Variants in CIMAP1C observed in about 807,000 individuals in gnomAD.
CIMAP1C encodes outer dense fiber of sperm tails 3 like 1.
chr15:75,724,983 C>A, the CIMAP1C span: 1 of 639,374 alleles, frequency 1.6e-6, no homozygotes, highest in South Asian at 1.8e-5. Context: ...GGATGCTGGG[C>A]TCGTGGCAGT....
At chr15:75,726,354 G>A in the CIMAP1C span, among the ~76,000 whole-genome samples, 5 of 152,200 alleles carry the variant, frequency 3.3e-5, no homozygotes, top group African/African-American at 4.8e-5. Flanking sequence ...TCAATGTTAT[G>A]ACATGCAGCA....
At chr15:75,726,243 C>A in the CIMAP1C span, 2 of 993,148 alleles carry the variant, frequency 2.0e-6, no homozygotes, top group Non-Finnish European at 3.1e-6. Context: ...AGGACCTGGG[C>A]AGGGGCAAAG....
At chr15:75,725,040 G>C in the CIMAP1C span, 3 of 1,022,882 alleles carry the variant, frequency 2.9e-6, no homozygotes, top group Non-Finnish European at 4.7e-6. Flanking sequence ...ATGGTGCGCT[G>C]TACTGGGGCT....
At chr15:75,726,013 G>A in the CIMAP1C span, 6 of 1,343,754 alleles carry the variant, frequency 4.5e-6, no homozygotes, top group South Asian at 6.1e-5. Context: ...GCTCAGTGGG[G>A]CAGCCTTTGG....
the CIMAP1C span, chr15:75,727,140 C>T: frequency 1.5e-5 from 25 of 1,613,982 alleles, no homozygotes; most frequent in Middle Eastern, 6.6e-4. Flanking sequence ...CCCCAGTACA[C>T]GTTTGGCTAC....
At chr15:75,727,012 T>C in the CIMAP1C span, 2 of 1,578,588 alleles carry the variant, frequency 1.3e-6, no homozygotes, top group Non-Finnish European at 1.7e-6. Context: ...GAGAATGAGG[T>C]CTGTTCCCTG....
At chr15:75,726,114 C>T in the CIMAP1C span, 11 of 1,612,172 alleles carry the variant, frequency 6.8e-6, no homozygotes, top group African/African-American at 4.0e-5. Flanking sequence ...CAAAATAACT[C>T]GGTTTGGAAT....
chr15:75,727,257 G>T, the CIMAP1C span: 1 of 1,614,208 alleles, frequency 6.2e-7, no homozygotes, highest in East Asian at 2.2e-5. Flanking sequence ...CCCTGCTACA[G>T]TCTGGCCTCC....
chr15:75,727,193 C>CAGT, the CIMAP1C span: 2 of 1,614,136 alleles, frequency 1.2e-6, no homozygotes, highest in Non-Finnish European at 1.7e-6. Context: ...GGCTCCCAAC[C>CAGT]AGTACCAGAT....
the CIMAP1C span, chr15:75,725,952 A>G: frequency 3.0e-6 from 2 of 672,996 alleles, no homozygotes; most frequent in South Asian, 3.6e-5. Flanking sequence ...AACACCCAGG[A>G]GCCACAGAAT....
the CIMAP1C span, chr15:75,726,105 A>G: frequency 6.2e-7 from 1 of 1,613,964 alleles, no homozygotes; most frequent in Non-Finnish European, 8.5e-7. Context: ...CTTGGATCCC[A>G]AAATAACTCG....
chr15:75,726,138 C>A, the CIMAP1C span: 216 of 1,613,134 alleles, frequency 1.3e-4, no homozygotes, highest in Non-Finnish European at 1.7e-4. Flanking sequence ...CAGCTGCCCG[C>A]AGGTCCCCAT....
At chr15:75,726,907 T>A in the CIMAP1C span, 3 of 993,268 alleles carry the variant, frequency 3.0e-6, no homozygotes, top group East Asian at 2.4e-5. Context: ...AGCCACCGCG[T>A]CCGGCCTAAG....
chr15:75,726,679 G>T, the CIMAP1C span, among the ~76,000 whole-genome samples: 1 of 151,804 alleles, frequency 6.6e-6, no homozygotes, highest in African/African-American at 2.4e-5. Flanking sequence ...GCAGTGGCGT[G>T]ATCTCGGCTC....
the CIMAP1C span, among the ~76,000 whole-genome samples, chr15:75,726,850 G>A: frequency 6.6e-6 from 1 of 152,138 alleles, no homozygotes; most frequent in African/African-American, 2.4e-5. Flanking sequence ...TCCTGATCTT[G>A]TGATCTGCCT....
At chr15:75,725,970 G>A in the CIMAP1C span, 1 of 766,002 alleles carries the variant, frequency 1.3e-6, no homozygotes, top group Non-Finnish European at 2.2e-6. Context: ...AATCTGAAGT[G>A]GGAGGGAGAT....
the CIMAP1C span, among the ~76,000 whole-genome samples, chr15:75,724,578 T>C: frequency 6.6e-6 from 1 of 152,218 alleles, no homozygotes; most frequent in Non-Finnish European, 1.5e-5. Context: ...CTCACTTCCC[T>C]TCAATTTTAC....
the CIMAP1C span, chr15:75,727,552 G>A: frequency 1.3e-6 from 2 of 1,554,452 alleles, no homozygotes; most frequent in Non-Finnish European, 1.7e-6. Flanking sequence ...GCCCCTCTTG[G>A]GGCACTCACT....
At chr15:75,724,093 CG>C in the CIMAP1C span, 7 of 720,064 alleles carry the variant, frequency 9.7e-6, no homozygotes, top group Non-Finnish European at 1.7e-5. Flanking sequence ...CAGCTTCCTC[CG>C]TGTCTGGGGT....
Sources: gnomAD v4.1 joint callset for allele counts (sites outside exome capture counted in the v4.1 genomes callset) on GRCh38, gnomAD v4.1.1 for gene constraint, MANE v1.5 for transcripts, NCBI Gene and HGNC (gene_info 2026-07-23, HGNC 2026-07-21) for gene names.